Variants in SAMD9L observed in about 807,000 individuals in gnomAD.
SAMD9L encodes the protein sterile alpha motif domain containing 9 like.
A neutral mutation model predicts 90.7 loss-of-function variants in SAMD9L; 68 were observed. That is an observed-to-expected ratio of 0.75 (90% CI 0.62 to 0.92). The LOEUF is 0.92. SAMD9L is among the 40% of genes least tolerant of loss of function. The pLI is 0.00. For synonymous variants in SAMD9L, 640 were observed against 630.1 expected, an observed-to-expected ratio of 1.02 and a Z score of -0.23; for missense variants, 1,604 against 1,824.3, an observed-to-expected ratio of 0.88 and a Z score of 2.20.
At position 93,135,675 on chromosome 7, in the gene SAMD9L, T is replaced by G; in HGVS notation, c.297A>C (p.Glu99Asp). Residue 99 changes from glutamate to aspartate, a missense_variant, in exon 5 of 5, where the codon GAA (glutamate) becomes GAC (aspartate). Glu to Asp is a conservative substitution (Grantham distance 45). This residue lies in a region of SAMD9L where 374 missense variants were observed against 363.6 expected (regional missense o/e 1.03). Coordinates refer to ENST00000318238, the MANE Select transcript of SAMD9L (RefSeq NM_152703.5). Reference protein sequence around the residue: ...QLDNSKPSKTEHQKNPKHTKK... With the variant: ...QLDNSKPSKTDHQKNPKHTKK... ...TGGTGTGTTTTGGATTTTTCTGGTG[T>G]TCTGTTTTGGACGGTTTTGAATTAT... is the stretch of plus-strand genomic sequence containing the variant. The G allele has an allele frequency of 6.2e-7, 1 of 1,614,096 alleles. No homozygotes were observed. Among genetic ancestry groups the G allele is most frequent in the Non-Finnish European group, 8.5e-7 (1 of 1,179,968 alleles).
Position 93,135,778 on chromosome 7 carries a change from G to T in SAMD9L, c.194C>A (p.Ala65Glu), listed in dbSNP as rs1258660982. 1 of 1,613,878 alleles carries T rather than the reference G, an allele frequency of 6.2e-7. No individual in the cohort carries two copies. ...GTTGTATGAACGTTTTATCAAAAGT[G>T]CTGGACCCCATGGTAGCCCCATTTC... ...LVEMGLPWGPALLIKRSYNKL... is the reference protein window; with the variant it reads ...LVEMGLPWGPELLIKRSYNKL... Residue 65 changes from alanine (A) to glutamate (E), a missense_variant, in exon 5 of 5, where the codon GCA becomes GAA. Transcript: ENST00000318238.
chr7:93,135,631 G>T lies in SAMD9L; in HGVS notation c.341C>A (p.Ser114Ter), dbSNP rs1792408044. Residue 114 changes from serine to a stop codon, truncating the protein, a stop_gained, in exon 5 of 5, where the codon TCA (serine) becomes TAA (stop). Coordinates refer to ENST00000318238, the MANE Select transcript of SAMD9L (RefSeq NM_152703.5). LOFTEE classifies it low-confidence loss of function (END_TRUNC). ...ATCATAATCAATATTAGATGACATT[G>T]AATTTTCTTCTTCCTTTTTGGTGTG... ...PKHTKKEEEN[S>*]MSSNIDYDPR... 2 of 1,613,746 alleles carry T rather than the reference G, an allele frequency of 1.2e-6. No homozygotes were observed. Among genetic ancestry groups the T allele is most frequent in the Non-Finnish European group, 1.7e-6 (2 of 1,179,878 alleles).
In SAMD9L at chr7:93,132,451, T is replaced by G. The variant is rs372585467; in HGVS notation, c.3521A>C (p.Asn1174Thr). The G allele has an allele frequency of 9.3e-6, 15 of 1,613,298 alleles. 1 individual carries two copies. Among genetic ancestry groups the G allele is most frequent in the Non-Finnish European group, 1.3e-5 (15 of 1,179,746 alleles). The change falls in exon 5 of 5, where the codon AAC becomes ACC. Residue 1174 changes from asparagine (N) to threonine (T), a missense_variant. Around this residue, in one of 7 missense-constraint regions of SAMD9L, gnomAD observed 302 missense variants for 314.7 expected, o/e 0.96. Transcript: ENST00000318238. The stretch of plus-strand genomic sequence containing the variant: ...TGGTGACCAGTTCTCGGTTTCATAG[T>G]TTTTACTATCAGTTTGCCTTTGGGA... ...KESQRQTDSKNYETENWSPQK... is the reference protein window; with the variant it reads ...KESQRQTDSKTYETENWSPQK...
chr7:93,143,203 C>CTCGAG (rs1397587578), intron 4 of SAMD9L, among the ~76,000 whole-genome samples: 1 of 152,150 alleles, frequency 6.6e-6, no homozygotes, highest in East Asian at 1.9e-4. Flanking sequence ...CTCCTCAAGC[C>CTCGAG]TCGAGTCTTT....
intron 4 of SAMD9L, among the ~76,000 whole-genome samples, chr7:93,144,520 A>G (rs1244001363): frequency 6.6e-6 from 1 of 152,244 alleles, no homozygotes; most frequent in Non-Finnish European, 1.5e-5. Flanking sequence ...TTGCCATTTC[A>G]CATTAGGGAT....
Position 93,133,303 on chromosome 7 carries a change from A to G in SAMD9L, c.2669T>C (p.Met890Thr). 3.1e-6 allele frequency: 5 copies of G among 1,612,342 alleles called. No homozygotes were observed. Among genetic ancestry groups the G allele is most frequent in the Non-Finnish European group, 4.2e-6 (5 of 1,179,004 alleles). ...HKNCENFYSF[M>T]IMKSNFDETY... ...TTCATCAAAATTGCTTTTCATGATC[A>G]TGAAGGAATAAAAGTTTTCACAGTT... is the stretch of plus-strand genomic sequence containing the variant. The change falls in exon 5 of 5, where the codon ATG becomes ACG. Residue 890 changes from methionine to threonine, a missense_variant. By Grantham distance (81) the Met-to-Thr change is moderately conservative (BLOSUM62 -1). Transcript: ENST00000318238.
In SAMD9L at chr7:93,133,110, G is replaced by A. The variant is rs1334771324; in HGVS notation, c.2862C>T (p.Pro954=). 3 of 1,612,444 alleles carry A rather than the reference G, an allele frequency of 1.9e-6. No individual in the cohort carries two copies. Among genetic ancestry groups the A allele is most frequent in the Non-Finnish European group, 2.5e-6 (3 of 1,178,944 alleles). The change falls in exon 5 of 5, where the codon CCC becomes CCT. Residue 954 remains proline, a synonymous_variant. Transcript: ENST00000318238. ...IFLGIIYTST[P]WEPESLEDKM... ...TGTCTTCTAAGCTTTCAGGTTCCCA[G>A]GGTGTACTAGTGTATATGATTCCCA...
chr7:93,146,752 T>C (rs996344229), intron 2 of SAMD9L, 131 bp downstream of exon 2: 3 of 152,224 alleles, frequency 2.0e-5, no homozygotes, highest in Admixed American at 2.0e-4. Flanking sequence ...TAGGCCAGAA[T>C]GAACTCCAGC....
Position 93,133,528 on chromosome 7 carries a change from T to C in SAMD9L, c.2444A>G (p.Gln815Arg), listed in dbSNP as rs757798568. The stretch of plus-strand genomic sequence containing the variant: ...TGCTAAAACGGAATGGATGGCATTT[T>C]GTAGAAAGTAGACATTTTCTTGTTC... ...FEEQENVYFL[Q>R]NAIHSVLAEK... Residue 815 changes from glutamine to arginine, a missense_variant, in exon 5 of 5, where the codon CAA becomes CGA. Coordinates refer to ENST00000318238, the MANE Select transcript of SAMD9L (RefSeq NM_152703.5). The C allele has an allele frequency of 3.7e-6, 6 of 1,613,584 alleles. No individual in the cohort carries two copies. Among genetic ancestry groups the C allele is most frequent in the Non-Finnish European group, 5.1e-6 (6 of 1,179,776 alleles).
At chr7:93,146,519 G>A (rs1417816539) in intron 2 of SAMD9L, among the ~76,000 whole-genome samples, 5 of 152,076 alleles carry the variant, frequency 3.3e-5, no homozygotes, top group Non-Finnish European at 7.4e-5. Context: ...TTTACATTTT[G>A]TTCATTATCT....
chr7:93,131,262 T>C lies in SAMD9L; in HGVS notation c.4710A>G (p.Gly1570=). 1 of 1,595,996 alleles carries C rather than the reference T, an allele frequency of 6.3e-7. No individual in the cohort carries two copies. Among genetic ancestry groups the C allele is most frequent in the Non-Finnish European group, 8.5e-7 (1 of 1,173,466 alleles). ...ATGCCAGAGGGCCTTCAATGGAAAATCCTAGGTAGAAAGACACTCTTTCTA... is the reference window on the plus strand; with the variant it reads ...ATGCCAGAGGGCCTTCAATGGAAAACCCTAGGTAGAAAGACACTCTTTCTA... The part of the protein sequence containing the change: ...RNIERVSFYL[G]FSIEGPLAYD... The change falls in exon 5 of 5, where the codon GGA becomes GGG. Residue 1570 remains glycine (G), a synonymous_variant. Coordinates refer to ENST00000318238, the MANE Select transcript of SAMD9L (RefSeq NM_152703.5).
chr7:93,143,240 C>T (rs186079374), intron 4 of SAMD9L, among the ~76,000 whole-genome samples: 1 of 152,238 alleles, frequency 6.6e-6, no homozygotes, highest in Admixed American at 6.5e-5. Flanking sequence ...TTAGAGGTTT[C>T]CCAATGGTTC....
rs370261253 is a variant in SAMD9L, at chr7:93,135,304, C to T, written c.668G>A (p.Arg223Gln). Residue 223 changes from arginine to glutamine, a missense_variant, in exon 5 of 5, where the codon CGA becomes CAA. By Grantham distance (43) the Arg-to-Gln change is conservative (BLOSUM62 1). Coordinates refer to ENST00000318238, the MANE Select transcript of SAMD9L (RefSeq NM_152703.5). Reference sequence around the variant, plus strand: ...TGAATTCATACAAGCTGATGCAAATCGGAAGACTTCATTGCTGAATTTCAT... The same window carrying T: ...TGAATTCATACAAGCTGATGCAAATTGGAAGACTTCATTGCTGAATTTCAT... ...IKMKFSNEVFRFASACMNSRT... is the reference protein window; with the variant it reads ...IKMKFSNEVFQFASACMNSRT... 39 of 1,613,988 alleles carry T rather than the reference C, an allele frequency of 2.4e-5. No individual in the cohort carries two copies. Among genetic ancestry groups the T allele is most frequent in the Non-Finnish European group, 3.2e-5 (38 of 1,179,998 alleles).
At chr7:93,142,903 G>A (rs1384389211) in intron 4 of SAMD9L, among the ~76,000 whole-genome samples, 3 of 152,162 alleles carry the variant, frequency 2.0e-5, no homozygotes, top group Middle Eastern at 3.2e-3. Context: ...AATACTATAA[G>A]GAAGAACTCT....
intron 4 of SAMD9L, among the ~76,000 whole-genome samples, chr7:93,140,059 CTCAGTCCCCAA>C (rs1029877037): frequency 1.3e-5 from 2 of 149,702 alleles, no homozygotes. Context: ...TCAGTCCCCA[CTCAGTCCCCAA>C]CAGCTTGTCA....
At position 93,131,278 on chromosome 7, in the gene SAMD9L, A is replaced by G. The variant is rs1792074851; in HGVS notation, c.4694T>C (p.Val1565Ala). ...PLRSGRNIER[V>A]SFYLGFSIEG... ...AATGGAAAATCCTAGGTAGAAAGAC[A>G]CTCTTTCTATGTTCCTACCACTTCT... The change falls in exon 5 of 5, where the codon GTG (valine) becomes GCG (alanine). Residue 1565 changes from valine to alanine, a missense_variant. Transcript: ENST00000318238. 1 of 1,603,888 alleles carries G rather than the reference A, an allele frequency of 6.2e-7. No individual in the cohort carries two copies. Among genetic ancestry groups the G allele is most frequent in the Non-Finnish European group, 8.5e-7 (1 of 1,176,206 alleles).
chr7:93,130,351 G>A lies in SAMD9L; in HGVS notation c.*866C>T, dbSNP rs928283100. 9 of 152,300 alleles carry A rather than the reference G, an allele frequency of 5.9e-5. No individual in the cohort carries two copies. The highest frequency in any genetic ancestry group is 2.2e-4 in the African/African-American group (9 of 41,548). The allele number at this position is 152,300 out of a possible 1,614,324, so 9.4% of individuals were successfully genotyped here. A position where few individuals can be genotyped will look rare whatever the true frequency, so the allele number is the denominator to read the frequency against. On this transcript the variant is annotated 3_prime_UTR_variant, in exon 5 of 5. Coordinates refer to ENST00000318238, the MANE Select transcript of SAMD9L (RefSeq NM_152703.5). ...CAGTTGTGAATGACAAATCAGAATA[G>A]CAGGAGAGAGAATGTTAGATGGAAA... is the stretch of plus-strand genomic sequence containing the variant.
At position 93,133,542 on chromosome 7, in the gene SAMD9L, A is replaced by G. The variant is rs563481181; in HGVS notation, c.2430T>C (p.Asn810=). 2.5e-6 allele frequency: 4 copies of G among 1,613,614 alleles called. No individual in the cohort carries two copies. The highest frequency in any genetic ancestry group is 1.7e-5 in the Admixed American group (1 of 59,924). The change falls in exon 5 of 5, where the codon AAT becomes AAC. Residue 810 remains asparagine (N), a synonymous_variant. Coordinates refer to ENST00000318238, the MANE Select transcript of SAMD9L (RefSeq NM_152703.5). ...GGATGGCATTTTGTAGAAAGTAGAC[A>G]TTTTCTTGTTCTTCAAAATCATCCA... ...LLVDDFEEQE[N]VYFLQNAIHS... is the part of the protein sequence containing the mutation.
chr7:93,135,196 GC>G lies in SAMD9L; in HGVS notation c.775del (p.Ala259ProfsTer8). 1 of 1,613,972 alleles carries G rather than the reference GC, an allele frequency of 6.2e-7. No homozygotes were observed. Among genetic ancestry groups the G allele is most frequent in the African/African-American group, 1.3e-5 (1 of 75,036 alleles). ...CATTACATTGAAGTGGTCAATGAAG[GC>G]AGCCTTACTGGTGATTTTCACACCA... ...IVGVKITSKA[A>X]FIDHFNVMIK... On this transcript the variant is annotated frameshift_variant, in exon 5 of 5. Transcript: ENST00000318238. LOFTEE classifies it low-confidence loss of function (END_TRUNC).
Sources: allele counts gnomAD v4.1 joint callset (sites outside exome capture counted in the v4.1 genomes callset), GRCh38; gene constraint gnomAD v4.1.1; regional missense constraint gnomAD v4.1.1; transcripts MANE v1.5; gene names NCBI Gene and HGNC (gene_info 2026-07-23, HGNC 2026-07-21).